Variants in EVL observed in about 807,000 individuals in gnomAD.
The protein encoded by EVL is Enah/Vasp-like, also known as ena/VASP-like protein.
EVL carries 21 observed loss-of-function variants against 59.6 expected under a neutral mutation model. That is an observed-to-expected ratio of 0.35 (90% CI 0.25 to 0.51). EVL has a LOEUF of 0.51. EVL is among the 20% of genes least tolerant of loss of function. The pLI, the probability that EVL is intolerant of heterozygous loss-of-function variation, is 0.97. For missense variants in EVL, 462 were observed against 546.6 expected (o/e 0.85, Z 1.54); for synonymous variants, 198 against 203.5 (o/e 0.97, Z 0.23).
chr14:100,017,668 T>G (rs2061061440), intron 1 of EVL, among the ~76,000 whole-genome samples: 1 of 152,100 alleles, frequency 6.6e-6, no homozygotes, highest in Non-Finnish European at 1.5e-5. Flanking sequence ...TAAAACTGAG[T>G]TATTTAATGA....
intron 1 of EVL, among the ~76,000 whole-genome samples, chr14:100,057,332 C>T (rs2061749838): frequency 1.3e-5 from 2 of 152,190 alleles, no homozygotes; most frequent in South Asian, 4.1e-4. Context: ...TCTAAGGTCA[C>T]AGATATCGGT....
chr14:100,117,897 G>A (rs1028171202), intron 3 of EVL, among the ~76,000 whole-genome samples: 1 of 152,186 alleles, frequency 6.6e-6, no homozygotes, highest in Admixed American at 6.5e-5. Context: ...TGTGTCACTC[G>A]CTCTAGGCTC....
At chr14:100,126,844 C>T in intron 5 of EVL, 73 bp downstream of exon 5, 2 of 1,471,056 alleles carry the variant, frequency 1.4e-6, no homozygotes, top group East Asian at 4.6e-5. Flanking sequence ...TAGATGAGGC[C>T]CAGGGACACA....
chr14:100,056,114 T>G (rs1419257123), intron 1 of EVL, among the ~76,000 whole-genome samples: 2 of 151,768 alleles, frequency 1.3e-5, no homozygotes, highest in African/African-American at 4.8e-5. Context: ...CTGGCCCACG[T>G]TGTTTTCGTA....
chr14:100,003,218 A>G (rs1478829553), intron 1 of EVL, among the ~76,000 whole-genome samples: 1 of 152,120 alleles, frequency 6.6e-6, no homozygotes, highest in East Asian at 1.9e-4. Flanking sequence ...CATCTCAGGA[A>G]TGGAGTTTAT....
intron 5 of EVL, 55 bp from the exon 6 acceptor site, chr14:100,128,464 G>C: frequency 6.3e-7 from 1 of 1,582,178 alleles, no homozygotes; most frequent in Non-Finnish European, 8.7e-7. Context: ...GAGAGCAGCA[G>C]GCTTGGCCCC....
At chr14:100,133,902 AC>A (rs1337171866) in intron 8 of EVL, among the ~76,000 whole-genome samples, 5 of 152,228 alleles carry the variant, frequency 3.3e-5, no homozygotes, top group African/African-American at 1.2e-4. Context: ...GCACCATTGC[AC>A]TCCAGCCTGG....
chr14:100,022,724 A>C (rs1226416601), intron 1 of EVL, among the ~76,000 whole-genome samples: 1 of 152,218 alleles, frequency 6.6e-6, no homozygotes, highest in East Asian at 1.9e-4. Context: ...TGCTTGACAC[A>C]CAGTAAGACC....
chr14:99,993,195 C>G (rs1407413155), intron 1 of EVL, among the ~76,000 whole-genome samples: 3 of 151,224 alleles, frequency 2.0e-5, no homozygotes, highest in Non-Finnish European at 4.4e-5. Context: ...GTAGCTGGGA[C>G]TACAGGCACG....
intron 1 of EVL, among the ~76,000 whole-genome samples, chr14:100,001,605 G>T (rs2060946669): frequency 6.6e-6 from 1 of 152,148 alleles, no homozygotes; most frequent in Non-Finnish European, 1.5e-5. Context: ...TCTCAGATAA[G>T]GCTTTTTAAA....
chr14:100,135,709 T>A lies in EVL; in HGVS notation c.901-196T>A, dbSNP rs1215179824. Reference sequence around the variant, plus strand: ...CCTGTAGCCTTCCCCTTCCCCAGCTTTGTCCACTGGCTCGATTCTCTCCCC... The same window carrying A: ...CCTGTAGCCTTCCCCTTCCCCAGCTATGTCCACTGGCTCGATTCTCTCCCC... On this transcript the variant is annotated intron_variant, in intron 8 of 13. Coordinates refer to ENST00000392920, the MANE Select transcript of EVL (RefSeq NM_016337.3). 9 of 551,890 alleles carry A rather than the reference T, an allele frequency of 1.6e-5. No individual in the cohort carries two copies. In the East Asian group the frequency reaches 2.8e-4, roughly 17 times the overall value. The allele number at this position is 551,890 out of a possible 1,614,324, so 34.2% of individuals were successfully genotyped here.
intron 1 of EVL, among the ~76,000 whole-genome samples, chr14:100,066,276 G>T (rs746203121): frequency 6.6e-6 from 1 of 152,064 alleles, no homozygotes; most frequent in Non-Finnish European, 1.5e-5. Flanking sequence ...GTGCCATTTC[G>T]CCAGTTTTCT....
intron 1 of EVL, among the ~76,000 whole-genome samples, chr14:99,975,586 C>A (rs1185233556): frequency 2.0e-5 from 3 of 152,162 alleles, no homozygotes; most frequent in African/African-American, 7.2e-5. Flanking sequence ...TAAAACTGTT[C>A]CACCTCAGAT....
intron 3 of EVL, among the ~76,000 whole-genome samples, chr14:100,103,015 T>C (rs1886324249): frequency 1.3e-5 from 2 of 149,304 alleles, no homozygotes; most frequent in African/African-American, 2.5e-5. Flanking sequence ...GGCAGGAGAA[T>C]CGCTTGAACC....
intron 3 of EVL, among the ~76,000 whole-genome samples, chr14:100,118,336 T>C (rs1332644520): frequency 2.6e-5 from 4 of 152,226 alleles, no homozygotes; most frequent in Admixed American, 1.3e-4. Context: ...CTAGGACAGC[T>C]TTCTTGAAGA....
chr14:100,059,636 A>G (rs1215539038), intron 1 of EVL, among the ~76,000 whole-genome samples: 1 of 152,172 alleles, frequency 6.6e-6, no homozygotes, highest in Non-Finnish European at 1.5e-5. Flanking sequence ...CTTAACCTGA[A>G]TGAAGAAACC....
intron 1 of EVL, among the ~76,000 whole-genome samples, chr14:100,069,728 C>T (rs61984503): frequency 0.1 from 15,451 of 152,150 alleles, 919 homozygotes; most frequent in African/African-American, 0.14. Context: ...TTACGATACT[C>T]AGGTGGGCTG....
intron 1 of EVL, among the ~76,000 whole-genome samples, chr14:100,040,988 T>C (rs1595605457): frequency 6.6e-6 from 1 of 152,206 alleles, no homozygotes; most frequent in African/African-American, 2.4e-5. Flanking sequence ...TCTGCCATGT[T>C]GAATTCTGAT....
chr14:99,986,512 G>A (rs1001483631), intron 1 of EVL, among the ~76,000 whole-genome samples: 1 of 152,100 alleles, frequency 6.6e-6, no homozygotes. Flanking sequence ...CGCTAGGAAG[G>A]GAACCAGCTG....
Sources: gnomAD v4.1 joint callset for allele counts (sites outside exome capture counted in the v4.1 genomes callset) on GRCh38, gnomAD v4.1.1 for gene constraint, MANE v1.5 for transcripts, NCBI Gene and HGNC (gene_info 2026-07-23, HGNC 2026-07-21) for gene names.